The following HIBCH variants were observed in gnomAD, a reference collection of about 807,000 sequenced individuals.
The protein encoded by HIBCH is 3-hydroxyisobutyryl-CoA hydrolase.
HIBCH carries 50 observed loss-of-function variants against 58.2 expected under a neutral mutation model. That is an observed-to-expected ratio of 0.86 (90% confidence interval 0.68 to 1.09). HIBCH has a LOEUF of 1.09. Ranked by LOEUF, HIBCH falls within the 50% of genes least tolerant of loss-of-function variation. The pLI, the probability that HIBCH is intolerant of heterozygous loss-of-function variation, is 0.00. For synonymous variants in HIBCH, 151 were observed against 146.9 expected, an observed-to-expected ratio of 1.03 and a Z score of -0.20; for missense variants, 450 against 449.7, an observed-to-expected ratio of 1.00 and a Z score of -0.01.
chr2:190,193,886 G>A (rs1179085745), intron 1 of HIBCH, among the ~76,000 whole-genome samples: 1 of 151,902 alleles, frequency 6.6e-6, no homozygotes, highest in Non-Finnish European at 1.5e-5. Context: ...TTATATCACT[G>A]ATTTAAACTT....
At chr2:190,299,116 T>C (rs1406228688) in intron 2 of HIBCH, among the ~76,000 whole-genome samples, 1 of 152,276 alleles carries the variant, frequency 6.6e-6, no homozygotes, top group Admixed American at 6.5e-5. Flanking sequence ...AAGTGTGCAA[T>C]GTAAAATTGA....
intron 7 of HIBCH, among the ~76,000 whole-genome samples, chr2:190,259,507 C>G (rs143223548): frequency 6.6e-6 from 1 of 152,078 alleles, no homozygotes; most frequent in Admixed American, 6.6e-5. Context: ...CACAGGCACA[C>G]GCCACCATGT....
intron 11 of HIBCH, among the ~76,000 whole-genome samples, chr2:190,234,844 A>C (rs925341109): frequency 2.0e-5 from 3 of 152,056 alleles, no homozygotes; most frequent in Non-Finnish European, 4.4e-5. Flanking sequence ...TAAAAAAAAA[A>C]AAACCTCAAA....
At chr2:190,237,596 TTA>T (rs1333045725) in intron 11 of HIBCH, among the ~76,000 whole-genome samples, 1 of 152,144 alleles carries the variant, frequency 6.6e-6, no homozygotes, top group East Asian at 1.9e-4. Context: ...CTTGGTGAGT[TTA>T]TGTTTAACTT....
At chr2:190,194,447 AG>A (rs756634581) in intron 1 of HIBCH, among the ~76,000 whole-genome samples, 5 of 150,896 alleles carry the variant, frequency 3.3e-5, no homozygotes, top group Non-Finnish European at 5.9e-5. Flanking sequence ...AAAATGGAGC[AG>A]GAAGTAGTGT....
chr2:190,288,068 T>C (rs1687874608), intron 5 of HIBCH, among the ~76,000 whole-genome samples: 1 of 151,684 alleles, frequency 6.6e-6, no homozygotes, highest in Non-Finnish European at 1.5e-5. Context: ...GGAGGAACAC[T>C]TGATCACTTA....
intron 1 of HIBCH, among the ~76,000 whole-genome samples, chr2:190,193,681 A>G (rs896819054): frequency 6.6e-6 from 1 of 152,108 alleles, no homozygotes; most frequent in African/African-American, 2.4e-5. Context: ...TAGATGTCAT[A>G]ATGCCCATTA....
At chr2:190,291,046 ATTTTC>A (rs1286490783) in intron 4 of HIBCH, among the ~76,000 whole-genome samples, 5 of 151,976 alleles carry the variant, frequency 3.3e-5, no homozygotes, top group Admixed American at 2.0e-4. Context: ...AACAAGCTAC[ATTTTC>A]TTTTGATTAT....
intron 3 of HIBCH, among the ~76,000 whole-genome samples, chr2:190,295,733 T>C (rs1688088347): frequency 6.6e-6 from 1 of 152,210 alleles, no homozygotes; most frequent in African/African-American, 2.4e-5. Flanking sequence ...CAACTTTGAT[T>C]TGCAACATTT....
At position 190,252,270 on chromosome 2, in the gene HIBCH, T is replaced by C. The variant is rs748125892; in HGVS notation, c.555A>G (p.Pro185=). 6.2e-7 allele frequency: 1 copy of C among 1,613,664 alleles called. No individual in the cohort carries two copies. The highest frequency in any genetic ancestry group is 8.5e-7 in the Non-Finnish European group (1 of 1,179,596). ...FPDVGGGYFL[P]RLQGKLGYFL... ...AGTAACCAAGTTTTCCTTGGAGTCG[T>C]GGCAAGAAATAACCTCCACCCACAT... Residue 185 remains proline, a synonymous_variant, in exon 8 of 14, where the codon CCA becomes CCG. Transcript: ENST00000359678.
intron 11 of HIBCH, among the ~76,000 whole-genome samples, chr2:190,244,300 A>T (rs1686542591): frequency 6.6e-6 from 1 of 152,212 alleles, no homozygotes; most frequent in Non-Finnish European, 1.5e-5. Context: ...CACGAATGTC[A>T]ATACCTGGTA....
chr2:190,312,879 A>G (rs868635554), intron 1 of HIBCH, among the ~76,000 whole-genome samples: 28 of 152,278 alleles, frequency 1.8e-4, no homozygotes, highest in African/African-American at 6.7e-4. Context: ...CAGGCGGATC[A>G]CCTGAGGTCA....
rs1690620759 is a variant in HIBCH, at chr2:190,216,043, AGAGACTGGAAAAGAC to A, written c.892-2983_892-2969del. On this transcript the variant is annotated intron_variant, in intron 11 of 13. Coordinates refer to ENST00000359678, the MANE Select transcript of HIBCH (RefSeq NM_014362.4). This position sits in a 1 kb window ranked among gnomAD's most constrained non-coding sequence, Gnocchi z 4.2. ...AATAAAAGAAGAAAATGAGCAAGAG[AGAGACTGGAAAAGAC>A]AAAGATCAAAGAGACACAGAAGGTG... The A allele has an allele frequency of 6.6e-6, 1 of 152,462 alleles. No homozygotes were observed. The highest frequency in any genetic ancestry group is 1.5e-5 in the Non-Finnish European group (1 of 68,238). The allele number at this position is 152,462 out of a possible 1,614,324, so 9.4% of individuals were successfully genotyped here.
chr2:190,275,055 A>T (rs990832092), intron 6 of HIBCH, among the ~76,000 whole-genome samples: 1 of 151,964 alleles, frequency 6.6e-6, no homozygotes, highest in Non-Finnish European at 1.5e-5. Context: ...GGTCTCCTAT[A>T]ATCAAAAAAC....
chr2:190,236,442 A>C lies in HIBCH; in HGVS notation c.891+8445T>G, dbSNP rs1349359821. On this transcript the variant is annotated intron_variant, in intron 11 of 13. Transcript: ENST00000359678. The surrounding 1 kb of genome is among the most constrained non-coding windows in gnomAD (Gnocchi z 4.1). ...GCTTTGAACTGTAAATATTTTTCTAAGTAATCATCTTAAACCTTACAAACA... is the reference window on the plus strand; with the variant it reads ...GCTTTGAACTGTAAATATTTTTCTACGTAATCATCTTAAACCTTACAAACA... Among the ~76,000 whole-genome samples the C allele has an allele frequency of 6.6e-6, 1 of 152,204 alleles. No homozygotes were observed. The highest frequency in any genetic ancestry group is 6.5e-5 in the Admixed American group (1 of 15,280).
intron 9 of HIBCH, among the ~76,000 whole-genome samples, chr2:190,247,413 C>T (rs2105936156): frequency 6.6e-6 from 1 of 152,290 alleles, no homozygotes; most frequent in South Asian, 2.1e-4. Flanking sequence ...CTGATAAAAA[C>T]AAGTGAAATC....
At chr2:190,219,522 C>G (rs1182492808) in intron 11 of HIBCH, among the ~76,000 whole-genome samples, 1 of 152,138 alleles carries the variant, frequency 6.6e-6, no homozygotes, top group Non-Finnish European at 1.5e-5. Context: ...CAAAATAGCT[C>G]ACTTTGTTTG....
intron 5 of HIBCH, 57 bp downstream of exon 5, chr2:190,290,348 T>C: frequency 1.7e-6 from 2 of 1,182,422 alleles, no homozygotes; most frequent in Non-Finnish European, 2.5e-6. Flanking sequence ...ACAAAGTACA[T>C]ACTGTCCACC....
At chr2:190,228,463 A>C (rs1685982328) in intron 11 of HIBCH, among the ~76,000 whole-genome samples, 1 of 151,676 alleles carries the variant, frequency 6.6e-6, no homozygotes, top group Non-Finnish European at 1.5e-5. Flanking sequence ...TGATGAGTTA[A>C]TGGGTGCAGC....
Sources: allele counts gnomAD v4.1 joint callset (sites outside exome capture counted in the v4.1 genomes callset), GRCh38; gene constraint gnomAD v4.1.1; non-coding constraint Gnocchi (gnomAD v3.1); transcripts MANE v1.5; gene names NCBI Gene and HGNC (gene_info 2026-07-23, HGNC 2026-07-21).